Variants in ACAP3 observed in about 807,000 individuals in gnomAD.
The protein encoded by ACAP3 is ArfGAP with coiled-coil, ankyrin repeat and PH domains 3, also known as arf-GAP with coiled-coil, ANK repeat and PH domain-containing protein 3.
A neutral mutation model predicts 104.1 loss-of-function variants in ACAP3; 56 were observed. The ratio of observed to expected loss-of-function variants is 0.54; its 90% CI spans 0.43 to 0.67. The LOEUF is 0.67. ACAP3 is among the 30% of genes least tolerant of loss of function. The pLI is 0.00. For missense variants in ACAP3, 1,208 were observed against 1,174.9 expected, an observed-to-expected ratio of 1.03 and a Z score of -0.41; for synonymous variants, 628 against 496.2, an observed-to-expected ratio of 1.27 and a Z score of -3.53.
At chr1:1,304,345 G>T in intron 1 of ACAP3, 1 of 621,610 alleles carries the variant, frequency 1.6e-6, no homozygotes, top group Admixed American at 3.1e-5. Flanking sequence ...ACCCCAGGCA[G>T]GCAGAGGCAG....
chr1:1,293,767 G>GGCCCCGCCCCTGCCCTGGAA (rs1172671747), intron 23 of ACAP3, 56 bp downstream of exon 23: 2 of 1,386,400 alleles, frequency 1.4e-6, no homozygotes, highest in Non-Finnish European at 1.9e-6. Flanking sequence ...CTGCCCTGGA[G>GGCCCCGCCCCTGCCCTGGAA]GCCCCGCCCC....
chr1:1,304,332 C>G (rs562876722), intron 1 of ACAP3, 189 bp from the exon 2 acceptor site: 21 of 685,084 alleles, frequency 3.1e-5, no homozygotes, highest in Admixed American at 8.2e-5. Context: ...CCCCGCCCCC[C>G]CAACCCCAGG....
In ACAP3 at chr1:1,300,211, G is replaced by A. The variant is rs952591732; in HGVS notation, c.523-9C>T. 2.5e-6 allele frequency: 4 copies of A among 1,603,360 alleles called. No individual in the cohort carries two copies. The highest frequency in any genetic ancestry group is 3.4e-6 in the Non-Finnish European group (4 of 1,174,438). On this transcript the variant is annotated splice_polypyrimidine_tract_variant and intron_variant, in intron 6 of 23. Transcript: ENST00000354700. ...GCCTGCAGAACATTGATCTGCCAGAGGGGGAGCCCACAGGTGAGCCCCGGA... is the reference window on the plus strand; with the variant it reads ...GCCTGCAGAACATTGATCTGCCAGAAGGGGAGCCCACAGGTGAGCCCCGGA...
chr1:1,303,034 C>T lies in ACAP3; in HGVS notation c.226-59G>A. The T allele has an allele frequency of 6.4e-7, 1 of 1,572,180 alleles. No homozygotes were observed. The highest frequency in any genetic ancestry group is 8.6e-7 in the Non-Finnish European group (1 of 1,157,966). ...GCAAATCCGGGCCCAGGTCACCCAG[C>T]CACGCCCTCTGAGCCCCTGGGCGGT... is the stretch of plus-strand genomic sequence containing the variant. On this transcript the variant is annotated intron_variant, in intron 3 of 23. Transcript: ENST00000354700. The surrounding 1 kb of genome is among the most constrained non-coding windows in gnomAD (Gnocchi z 4.0).
At chr1:1,293,782 C>A in intron 23 of ACAP3, 41 bp downstream of exon 23, 1 of 1,541,188 alleles carries the variant, frequency 6.5e-7, no homozygotes, top group Non-Finnish European at 8.7e-7. Context: ...CGCCCCTGCC[C>A]TGGAGGCCCC....
chr1:1,307,705 C>T (rs1641805277), intron 1 of ACAP3, 64 bp downstream of exon 1: 1 of 1,073,584 alleles, frequency 9.3e-7, no homozygotes, highest in Non-Finnish European at 1.1e-6. Flanking sequence ...ACCCCGCCGC[C>T]GGGCACAAAG....
intron 1 of ACAP3, chr1:1,307,201 G>T: frequency 7.8e-7 from 1 of 1,287,118 alleles, no homozygotes; most frequent in South Asian, 1.2e-5. Flanking sequence ...TGCACGCCAC[G>T]AATGATGGAA....
chr1:1,298,804 C>G, intron 10 of ACAP3, 125 bp from the exon 11 acceptor site: 1 of 715,640 alleles, frequency 1.4e-6, no homozygotes, highest in South Asian at 1.6e-5. Context: ...ACGGACCACA[C>G]GCTCAGACGA....
rs963018011 is a variant in ACAP3, at chr1:1,293,177, G to A, written c.*387C>T. ...GTGTGCAGGAGGGAGCCAGCTAACA[G>A]GTCAGTGTTCTGGGCAGAAGTGGGG... On this transcript the variant is annotated 3_prime_UTR_variant, in exon 24 of 24. Coordinates refer to ENST00000354700, the MANE Select transcript of ACAP3 (RefSeq NM_030649.3). 18 of 159,138 alleles carry A rather than the reference G, an allele frequency of 1.1e-4. No homozygotes were observed. Among genetic ancestry groups the A allele is most frequent in the Admixed American group, 2.6e-4 (4 of 15,406 alleles). 9.9% of individuals were successfully genotyped at this position (159,138 alleles called of 1,614,324 possible).
In ACAP3 at chr1:1,294,411, G is replaced by T; in HGVS notation, c.2130C>A (p.Ala710=). 6.3e-7 allele frequency: 1 copy of T among 1,575,356 alleles called. No individual in the cohort carries two copies. Among genetic ancestry groups the T allele is most frequent in the Non-Finnish European group, 8.6e-7 (1 of 1,165,738 alleles). Residue 710 remains alanine, a synonymous_variant, in exon 21 of 24, where the codon GCC becomes GCA. Transcript: ENST00000354700. ...EDEGKTPLVQ[A]VLGGSLIVCE... The stretch of plus-strand genomic sequence containing the variant: ...CCCGTGGCTCGCTCACCCCTAGCAC[G>T]GCCTGCACCAGCGGCGTCTTGCCCT...
At chr1:1,299,735 AGGAG>A in intron 9 of ACAP3, 92 bp downstream of exon 9, 1 of 1,359,124 alleles carries the variant, frequency 7.4e-7, no homozygotes, top group Non-Finnish European at 1.0e-6. Context: ...GGAGACAGGC[AGGAG>A]GAAGGGGCGG....
Position 1,300,189 on chromosome 1 carries a change from T to C in ACAP3, c.536A>G (p.Gln179Arg). 4.3e-6 allele frequency: 7 copies of C among 1,609,420 alleles called. No individual in the cohort carries two copies. Among genetic ancestry groups the C allele is most frequent in the Non-Finnish European group, 5.9e-6 (7 of 1,178,076 alleles). The change falls in exon 7 of 24, where the codon CAG becomes CGG. Residue 179 changes from glutamine (Q) to arginine (R), a missense_variant. Gln to Arg is a conservative substitution (Grantham distance 43, BLOSUM62 1). Coordinates refer to ENST00000354700, the MANE Select transcript of ACAP3 (RefSeq NM_030649.3). Reference protein sequence around the residue: ...LDYVLQINVLQAKKKFEILDS... With the variant: ...LDYVLQINVLRAKKKFEILDS... ...CAGGATCTCAAACTTCTTCTTGGCC[T>C]GCAGAACATTGATCTGCCAGAGGGG... is the stretch of plus-strand genomic sequence containing the variant.
In ACAP3 at chr1:1,303,624, C is replaced by T. The variant is rs973138161; in HGVS notation, c.106-343G>A. 7 of 447,180 alleles carry T rather than the reference C, an allele frequency of 1.6e-5. No homozygotes were observed. Among genetic ancestry groups the T allele is most frequent in the Admixed American group, 1.6e-4 (4 of 25,664 alleles). The allele number at this position is 447,180 out of a possible 1,614,324, so 27.7% of individuals were successfully genotyped here. On this transcript the variant is annotated intron_variant, in intron 2 of 23. Transcript: ENST00000354700. This position sits in a 1 kb window ranked among gnomAD's most constrained non-coding sequence, Gnocchi z 4.0. ...CGGCCTGTTGCCCCCTCCTCTTTCTCAGCCCATGTGGGGCTCATGGACACG... is the reference window on the plus strand; with the variant it reads ...CGGCCTGTTGCCCCCTCCTCTTTCTTAGCCCATGTGGGGCTCATGGACACG...
intron 14 of ACAP3, among the ~76,000 whole-genome samples, chr1:1,296,869 G>A (rs983760125): frequency 5.3e-5 from 8 of 151,516 alleles, no homozygotes; most frequent in African/African-American, 7.3e-5. Flanking sequence ...CCGAGCACAC[G>A]CCCGCACACG....
At position 1,293,402 on chromosome 1, in the gene ACAP3, G is replaced by A. The variant is rs1199506175; in HGVS notation, c.*162C>T. On this transcript the variant is annotated 3_prime_UTR_variant, in exon 24 of 24. Transcript: ENST00000354700. ...TCAAGAGACTCAGTGTGGGGCCCTC[G>A]CTCTCCTCCTGGGCGAGCAGGGCCG... 11 of 656,598 alleles carry A rather than the reference G, an allele frequency of 1.7e-5. No homozygotes were observed. Among genetic ancestry groups the A allele is most frequent in the Non-Finnish European group, 1.9e-5 (9 of 471,154 alleles). 40.7% of individuals were successfully genotyped at this position (656,598 alleles called of 1,614,324 possible).
chr1:1,293,354 C>T lies in ACAP3; in HGVS notation c.*210G>A, dbSNP rs1434352597. On this transcript the variant is annotated 3_prime_UTR_variant, in exon 24 of 24. Coordinates refer to ENST00000354700, the MANE Select transcript of ACAP3 (RefSeq NM_030649.3). ...GTGAGGGACACCCGACGATGCAGCACCCCCCCAGGGAAACGTGAGGCTTCA... is the reference window on the plus strand; with the variant it reads ...GTGAGGGACACCCGACGATGCAGCATCCCCCCAGGGAAACGTGAGGCTTCA... 2.6e-6 allele frequency: 1 copy of T among 387,060 alleles called. No homozygotes were observed. Among genetic ancestry groups the T allele is most frequent in the South Asian group, 8.4e-5 (1 of 11,882 alleles). The allele number at this position is 387,060 out of a possible 1,614,324, so 24.0% of individuals were successfully genotyped here.
Position 1,298,063 on chromosome 1 carries a change from C to T in ACAP3, c.966G>A (p.Pro322=), listed in dbSNP as rs149872297. 2.5e-5 allele frequency: 41 copies of T among 1,611,000 alleles called. No homozygotes were observed. In the African/African-American group the frequency reaches 3.6e-4, roughly 14 times the overall value. Residue 322 remains proline, a synonymous_variant, in exon 13 of 24, where the codon CCG becomes CCA. Coordinates refer to ENST00000354700, the MANE Select transcript of ACAP3 (RefSeq NM_030649.3). ...VDDLRLCSVK[P]CEDIERRFCF... ...AGAACCTCCGCTCGATGTCCTCACA[C>T]GGCTTCACAGAGCACAGGCGGAGGT... is the stretch of plus-strand genomic sequence containing the variant.
chr1:1,300,227 G>T (rs746350616), intron 6 of ACAP3, 25 bp from the exon 7 acceptor site: 2 of 1,584,144 alleles, frequency 1.3e-6, no homozygotes, highest in Non-Finnish European at 1.7e-6. Flanking sequence ...GCCCACAGGT[G>T]AGCCCCGGAG....
In ACAP3 at chr1:1,296,196, G is replaced by A; in HGVS notation, c.1407+15C>T. 1 of 1,587,288 alleles carries A rather than the reference G, an allele frequency of 6.3e-7. No homozygotes were observed. Among genetic ancestry groups the A allele is most frequent in the East Asian group, 2.3e-5 (1 of 43,858 alleles). ...ACAAACGGGGTCCCGTGGCCTCCAGGAGCCCCACACGCACCTTTAGCAGCT... is the reference window on the plus strand; with the variant it reads ...ACAAACGGGGTCCCGTGGCCTCCAGAAGCCCCACACGCACCTTTAGCAGCT... On this transcript the variant is annotated intron_variant, in intron 16 of 23. Transcript: ENST00000354700.
Sources: allele counts gnomAD v4.1 joint callset (sites outside exome capture counted in the v4.1 genomes callset), GRCh38; gene constraint gnomAD v4.1.1; non-coding constraint Gnocchi (gnomAD v3.1); transcripts MANE v1.5; gene names NCBI Gene and HGNC (gene_info 2026-07-23, HGNC 2026-07-21).